CDH12: variants seen among roughly 807,000 people sequenced by gnomAD.
CDH12 encodes the protein cadherin-12.
CDH12 carries 41 observed loss-of-function variants against 74.1 expected under a neutral mutation model. The ratio of observed to expected loss-of-function variants is 0.55; its 90% CI spans 0.43 to 0.72. CDH12 has a LOEUF of 0.72. CDH12 is among the 30% of genes least tolerant of loss of function. CDH12 has a pLI of 0.00. For missense variants in CDH12, 945 were observed against 977.2 expected (o/e 0.97, Z 0.44); for synonymous variants, 399 against 355.0 (o/e 1.12, Z -1.39).
chr5:22,791,826 A>G (rs1461257659), intron 1 of CDH12, among the ~76,000 whole-genome samples: 1 of 152,152 alleles, frequency 6.6e-6, no homozygotes, highest in Admixed American at 6.5e-5. Flanking sequence ...TCACAAGAAT[A>G]GCAAGGGGGA....
intron 3 of CDH12, among the ~76,000 whole-genome samples, chr5:22,235,085 C>A (rs2150377366): frequency 6.6e-6 from 1 of 152,258 alleles, no homozygotes; most frequent in African/African-American, 2.4e-5. Context: ...TTTACACATA[C>A]TTGAATTTTA....
rs143229137 is a variant in CDH12 at position 22,266,038 on chromosome 5, ATTATTTATTTATTTATTTAT to A, written c.-332-53415_-332-53396del. On this transcript the variant is annotated intron_variant, in intron 3 of 14. Coordinates refer to ENST00000382254, the MANE Select transcript of CDH12 (RefSeq NM_004061.5). ...TGCCTAACTGCCAAAAGCTTTGTTGATTATTTATTTATTTATTTATTTATTTATTTATTTATTTATTTATT... is the reference window on the plus strand; with the variant it reads ...TGCCTAACTGCCAAAAGCTTTGTTGATTATTTATTTATTTATTTATTTATT... Among the ~76,000 whole-genome samples, 459 of 141,020 alleles carry A rather than the reference ATTATTTATTTATTTATTTAT, an allele frequency of 3.3e-3. 3 individuals carry two copies. Among genetic ancestry groups the A allele is most frequent in the African/African-American group, 9.6e-3 (370 of 38,380 alleles). 92.5% of individuals were successfully genotyped at this position (141,020 alleles called of 152,430 possible).
intron 3 of CDH12, among the ~76,000 whole-genome samples, chr5:22,372,343 C>G (rs1251303208): frequency 2.0e-5 from 3 of 152,104 alleles, no homozygotes; most frequent in Non-Finnish European, 4.4e-5. Flanking sequence ...TGCTTGGCAG[C>G]TGGGAGAAGC....
chr5:21,868,263 T>G (rs574741024), intron 6 of CDH12, among the ~76,000 whole-genome samples: 6 of 148,726 alleles, frequency 4.0e-5, no homozygotes, highest in Non-Finnish European at 8.8e-5. Context: ...ACCTCTTTCT[T>G]TTGTAAATTG....
At chr5:22,088,941 G>C (rs1036020883) in intron 4 of CDH12, among the ~76,000 whole-genome samples, 1 of 152,094 alleles carries the variant, frequency 6.6e-6, no homozygotes, top group Non-Finnish European at 1.5e-5. Context: ...CCTGCACAAA[G>C]GGCTTAAATA....
intron 2 of CDH12, among the ~76,000 whole-genome samples, chr5:22,479,219 A>G (rs1746290736): frequency 6.6e-6 from 1 of 152,196 alleles, no homozygotes; most frequent in Non-Finnish European, 1.5e-5. Context: ...TCTTCACAAT[A>G]TGCCTTATGA....
At chr5:22,240,972 A>C (rs1752730820) in intron 3 of CDH12, among the ~76,000 whole-genome samples, 1 of 152,194 alleles carries the variant, frequency 6.6e-6, no homozygotes. Flanking sequence ...AGGAAGGAGG[A>C]GGAGGAGAAG....
rs547558517 is a variant in CDH12 at position 22,142,321 on chromosome 5, A to G, written c.-186-63459T>C. On this transcript the variant is annotated intron_variant, in intron 4 of 14. Transcript: ENST00000382254. ...GCCTATATGAAGTAGAGGAAGGGGT[A>G]CTGGCCTCATTGTCTAGGGAGGAAC... 4.5e-5 allele frequency: 16 copies of G among 352,314 alleles called. No homozygotes were observed. In the East Asian group the frequency reaches 6.1e-4, roughly 13 times the overall value. The allele number at this position is 352,314 out of a possible 1,614,324, so 21.8% of individuals were successfully genotyped here.
intron 6 of CDH12, among the ~76,000 whole-genome samples, chr5:21,968,387 C>G (rs546317287): frequency 1.3e-5 from 2 of 152,288 alleles, no homozygotes; most frequent in South Asian, 4.1e-4. Context: ...CTACATACAA[C>G]TAGGAAATGA....
chr5:22,079,933 T>C (rs1396558586), intron 4 of CDH12, among the ~76,000 whole-genome samples: 2 of 149,114 alleles, frequency 1.3e-5, no homozygotes, highest in South Asian at 2.1e-4. Context: ...ATCCTGAGGG[T>C]AAAACCTACG....
intron 6 of CDH12, among the ~76,000 whole-genome samples, chr5:21,932,217 T>G (rs966547697): frequency 2.6e-5 from 4 of 152,198 alleles, no homozygotes; most frequent in African/African-American, 9.6e-5. Context: ...GTAAAACTAT[T>G]TAGCAAATGG....
chr5:22,851,992 G>T (rs2126543715), intron 1 of CDH12, among the ~76,000 whole-genome samples: 1 of 152,180 alleles, frequency 6.6e-6, no homozygotes, highest in South Asian at 2.1e-4. Flanking sequence ...TACCTGCTTG[G>T]CATGGTTGCA....
chr5:22,494,938 A>G (rs1217172228), intron 2 of CDH12, among the ~76,000 whole-genome samples: 1 of 152,234 alleles, frequency 6.6e-6, no homozygotes, highest in East Asian at 1.9e-4. Flanking sequence ...GAAGACTCAT[A>G]TAATTTTGAA....
rs1466584506 is a variant in CDH12, at chr5:21,994,939, G to A, written c.232-19554C>T. Among the ~76,000 whole-genome samples, 4 of 152,144 alleles carry A rather than the reference G, an allele frequency of 2.6e-5. No homozygotes were observed. The East Asian group carries it at 7.7e-4, about 29-fold the overall frequency. ...CACCTGAGCCAGCAACGGCAACGGA[G>A]TGGGGTCCTCTTCTACACTGTGGAA... On this transcript the variant is annotated intron_variant, in intron 5 of 14. Coordinates refer to ENST00000382254, the MANE Select transcript of CDH12 (RefSeq NM_004061.5).
intron 6 of CDH12, among the ~76,000 whole-genome samples, chr5:21,966,250 C>T (rs1190645436): frequency 6.6e-6 from 1 of 150,512 alleles, no homozygotes; most frequent in East Asian, 2.0e-4. Flanking sequence ...TTGGCCTTAC[C>T]TTAATCTCCT....
chr5:22,057,630 C>G (rs897424470), intron 5 of CDH12, among the ~76,000 whole-genome samples: 1 of 152,234 alleles, frequency 6.6e-6, no homozygotes, highest in South Asian at 2.1e-4. Flanking sequence ...TCAAAAATAC[C>G]TGGAGAGTAA....
chr5:22,751,329 A>T (rs958353640), intron 1 of CDH12, among the ~76,000 whole-genome samples: 2 of 88,688 alleles, frequency 2.3e-5, no homozygotes, highest in African/African-American at 8.2e-5. Context: ...TGATATATAT[A>T]TATAATATAC....
At chr5:22,293,579 A>G (rs1737495476) in intron 3 of CDH12, among the ~76,000 whole-genome samples, 1 of 152,144 alleles carries the variant, frequency 6.6e-6, no homozygotes. Flanking sequence ...AGTGTCCATC[A>G]ATGGATGAAT....
chr5:22,042,540 T>G (rs899477103), intron 5 of CDH12, among the ~76,000 whole-genome samples: 2 of 151,948 alleles, frequency 1.3e-5, no homozygotes, highest in East Asian at 1.9e-4. Flanking sequence ...CTGGAAAACC[T>G]AGAACAATTA....
Sources: gnomAD v4.1 joint callset for allele counts (sites outside exome capture counted in the v4.1 genomes callset) on GRCh38, gnomAD v4.1.1 for gene constraint, MANE v1.5 for transcripts, NCBI Gene and HGNC (gene_info 2026-07-23, HGNC 2026-07-21) for gene names.